Variants in PCDH15 observed in about 807,000 individuals in gnomAD.
PCDH15 encodes protocadherin related 15, also known as protocadherin-15.
In PCDH15, 129 loss-of-function variants were observed where a neutral mutation model predicts 178.5. That is an observed-to-expected ratio of 0.72 (90% CI 0.63 to 0.84). The LOEUF (loss-of-function observed/expected upper bound fraction) is 0.84, where lower values mean the gene tolerates loss of function less well. Among genes scored for constraint, PCDH15 ranks in the 40% least tolerant of loss-of-function variants. The pLI is 0.00. For synonymous variants in PCDH15, 800 were observed against 732.0 expected, an observed-to-expected ratio of 1.09 and a Z score of -1.50; for missense variants, 2,230 against 2,099.9, an observed-to-expected ratio of 1.06 and a Z score of -1.21.
chr10:54,884,121 T>C (rs1954310303), intron 3 of PCDH15, among the ~76,000 whole-genome samples: 1 of 152,004 alleles, frequency 6.6e-6, no homozygotes. Context: ...TCAGTTTTAG[T>C]ACAGCCGGGT....
At chr10:54,761,211 C>A (rs969040122) in intron 1 of PCDH15, among the ~76,000 whole-genome samples, 5 of 152,110 alleles carry the variant, frequency 3.3e-5, no homozygotes, top group South Asian at 2.1e-4. Context: ...CTTGCCCCCC[C>A]AAAAATAATT....
chr10:54,718,645 A>C (rs2095509643), intron 1 of PCDH15, among the ~76,000 whole-genome samples: 1 of 151,944 alleles, frequency 6.6e-6, no homozygotes, highest in South Asian at 2.1e-4. Context: ...AAAGTATGAA[A>C]AACAGAGTGC....
chr10:53,999,332 T>C lies in PCDH15; in HGVS notation c.2752-3567A>G, dbSNP rs1305428035. The stretch of plus-strand genomic sequence containing the variant: ...TTCTGTTTTCCACTACTAGACACTT[T>C]CTATTTGCTGTCCAAGTTGCTGTTT... On this transcript the variant is annotated intron_variant, in intron 20 of 37. Coordinates refer to ENST00000644397, the MANE Select transcript of PCDH15 (RefSeq NM_001384140.1). Among the ~76,000 whole-genome samples, 4 of 152,158 alleles carry C rather than the reference T, an allele frequency of 2.6e-5. No individual in the cohort carries two copies. In the East Asian group the frequency reaches 7.7e-4, roughly 29 times the overall value.
At chr10:53,924,977 A>C (rs1346555887) in intron 25 of PCDH15, among the ~76,000 whole-genome samples, 2 of 152,090 alleles carry the variant, frequency 1.3e-5, no homozygotes, top group Non-Finnish European at 2.9e-5. Flanking sequence ...GCACCCTGTC[A>C]AAACAGACCA....
At chr10:54,003,387 G>T (rs1197954000) in intron 20 of PCDH15, among the ~76,000 whole-genome samples, 1 of 151,738 alleles carries the variant, frequency 6.6e-6, no homozygotes, top group Non-Finnish European at 1.5e-5. Flanking sequence ...AAAGAAGAGA[G>T]AAGACCCAAA....
intron 2 of PCDH15, among the ~76,000 whole-genome samples, chr10:55,517,575 A>C (rs1362881637): frequency 7.2e-5 from 11 of 152,178 alleles, no homozygotes; most frequent in Admixed American, 7.2e-4. Flanking sequence ...AAAGTGGCCA[A>C]ATAAAGAGAA....
At chr10:55,421,330 T>C (rs1425986086) in intron 2 of PCDH15, among the ~76,000 whole-genome samples, 1 of 151,018 alleles carries the variant, frequency 6.6e-6, no homozygotes, top group African/African-American at 2.4e-5. Flanking sequence ...TGAGATAACC[T>C]GAAATATTTA....
intron 2 of PCDH15, among the ~76,000 whole-genome samples, chr10:55,361,719 G>A (rs1019155399): frequency 6.6e-6 from 1 of 151,968 alleles, no homozygotes; most frequent in African/African-American, 2.4e-5. Context: ...AATTATTGAA[G>A]GTGAAGGAGT....
At chr10:54,540,620 A>T (rs1356830445) in intron 2 of PCDH15, among the ~76,000 whole-genome samples, 1 of 152,076 alleles carries the variant, frequency 6.6e-6, no homozygotes, top group Non-Finnish European at 1.5e-5. Flanking sequence ...ACTATTCCAA[A>T]ATATCAAGGA....
intron 2 of PCDH15, among the ~76,000 whole-genome samples, chr10:54,610,563 T>C (rs1297852252): frequency 6.6e-6 from 1 of 151,978 alleles, no homozygotes; most frequent in Non-Finnish European, 1.5e-5. Flanking sequence ...CCTTCCGTAA[T>C]ATCTGAGGCT....
At chr10:53,943,822 TA>T (rs2086290213) in intron 23 of PCDH15, among the ~76,000 whole-genome samples, 1 of 152,132 alleles carries the variant, frequency 6.6e-6, no homozygotes, top group African/African-American at 2.4e-5. Flanking sequence ...CAAAAAGAAT[TA>T]AATGAACCTC....
chr10:54,517,923 G>A (rs935308733), intron 3 of PCDH15, among the ~76,000 whole-genome samples: 58 of 152,036 alleles, frequency 3.8e-4, no homozygotes, highest in African/African-American at 8.4e-4. Flanking sequence ...AAAACCACTC[G>A]ACTACATGGA....
intron 2 of PCDH15, among the ~76,000 whole-genome samples, chr10:55,535,475 A>G (rs545305975): frequency 6.6e-6 from 1 of 152,200 alleles, no homozygotes; most frequent in Non-Finnish European, 1.5e-5. Context: ...GGTGAATCAA[A>G]GTGAAAAAAG....
chr10:55,073,249 G>C (rs1841798252), intron 2 of PCDH15, among the ~76,000 whole-genome samples: 1 of 151,924 alleles, frequency 6.6e-6, no homozygotes, highest in Admixed American at 6.6e-5. Flanking sequence ...TTCTGGCTAG[G>C]GCAATTAGGC....
intron 2 of PCDH15, among the ~76,000 whole-genome samples, chr10:55,409,237 C>T (rs546042419): frequency 2.6e-5 from 4 of 152,178 alleles, no homozygotes; most frequent in East Asian, 3.9e-4. Context: ...CACATTGCCC[C>T]GGTAGCACCC....
At chr10:54,254,888 C>T (rs1260446723) in intron 8 of PCDH15, among the ~76,000 whole-genome samples, 1 of 148,146 alleles carries the variant, frequency 6.8e-6, no homozygotes, top group South Asian at 2.2e-4. Context: ...CTAAACTTCT[C>T]AATTTGTCTT....
chr10:54,056,873 T>C (rs1341828246), intron 18 of PCDH15, among the ~76,000 whole-genome samples: 4 of 152,150 alleles, frequency 2.6e-5, no homozygotes, highest in African/African-American at 7.2e-5. Context: ...GATACAGGCA[T>C]TGGGTAAATA....
At chr10:54,661,737 C>A (rs1400647412) in intron 2 of PCDH15, among the ~76,000 whole-genome samples, 1 of 151,770 alleles carries the variant, frequency 6.6e-6, no homozygotes, top group Non-Finnish European at 1.5e-5. Context: ...AATAGGGAAA[C>A]TAGAAAATAA....
At chr10:53,971,312 C>T (rs11003959) in intron 21 of PCDH15, among the ~76,000 whole-genome samples, 10,288 of 152,136 alleles carry the variant, frequency 0.068, 1,005 homozygotes, top group African/African-American at 0.21. Flanking sequence ...TTATTTGTGA[C>T]AAACCCACAG....
Sources: gnomAD v4.1 joint callset for allele counts (sites outside exome capture counted in the v4.1 genomes callset) on GRCh38, gnomAD v4.1.1 for gene constraint, MANE v1.5 for transcripts, NCBI Gene and HGNC (gene_info 2026-07-23, HGNC 2026-07-21) for gene names.